The following RSF1 variants were observed in gnomAD, a reference collection of about 807,000 sequenced individuals.
RSF1 encodes HBV pX-associated protein 8.
RSF1 carries 13 observed loss-of-function variants against 145.2 expected under a neutral mutation model. The observed-to-expected ratio is 0.09, with a 90% CI of 0.06 to 0.14. RSF1 has a LOEUF of 0.14. Ranked by LOEUF, RSF1 falls within the 10% of genes least tolerant of loss-of-function variation. The pLI is 1.00. For synonymous variants in RSF1, 577 were observed against 592.6 expected (o/e 0.97, Z 0.38); for missense variants, 1,517 against 1,718.2 (o/e 0.88, Z 2.07).
At chr11:77,758,916 T>C (rs1237012728) in intron 2 of RSF1, among the ~76,000 whole-genome samples, 1 of 152,226 alleles carries the variant, frequency 6.6e-6, no homozygotes, top group Non-Finnish European at 1.5e-5. Flanking sequence ...ACTTTCTTCA[T>C]AATGTCCTTT....
Position 77,661,054 on chromosome 11 carries a change from T to G in RSF1, c.*5863A>C, listed in dbSNP as rs1465220451. ...AGTGAATAAGGAAGGAACTGAAACT[T>G]GAATTTGACTTCTCTTGCTGCCACG... On this transcript the variant is annotated 3_prime_UTR_variant, in exon 16 of 16. Transcript: ENST00000308488. 6.6e-6 allele frequency: 1 copy of G among 152,186 alleles called. No individual in the cohort carries two copies. Among genetic ancestry groups the G allele is most frequent in the East Asian group, 1.9e-4 (1 of 5,204 alleles). The allele number at this position is 152,186 out of a possible 1,614,324, so 9.4% of individuals were successfully genotyped here. A position where few individuals can be genotyped will look rare whatever the true frequency, so the allele number is the denominator to read the frequency against.
intron 4 of RSF1, among the ~76,000 whole-genome samples, chr11:77,730,344 T>C (rs907030505): frequency 4.6e-5 from 7 of 152,196 alleles, no homozygotes; most frequent in Non-Finnish European, 8.8e-5. Flanking sequence ...TTTCTGAAAA[T>C]GACTGTCAAA....
chr11:77,751,056 A>G (rs1299707565), intron 2 of RSF1, among the ~76,000 whole-genome samples: 2 of 151,970 alleles, frequency 1.3e-5, no homozygotes, highest in African/African-American at 4.8e-5. Flanking sequence ...CCTAACCTCT[A>G]CATACAGGTA....
At position 77,740,728 on chromosome 11, in the gene RSF1, T is replaced by C; in HGVS notation, c.578+3A>G. On this transcript the variant is annotated splice_donor_region_variant and intron_variant, in intron 4 of 15. Transcript: ENST00000308488. ...AGTGTAAAAAGGTTCCAATAAAAGA[T>C]ACCTGACAATGCATTTCCATGAAGA... 2 of 1,611,262 alleles carry C rather than the reference T, an allele frequency of 1.2e-6. No homozygotes were observed. Among genetic ancestry groups the C allele is most frequent in the South Asian group, 1.1e-5 (1 of 91,008 alleles).
rs747113971 is a variant in RSF1 at position 77,737,619 on chromosome 11, G to GGT, written c.578+3111_578+3112insAC. Among the ~76,000 whole-genome samples the GGT allele has an allele frequency of 2.4e-4, 25 of 102,378 alleles. No individual in the cohort carries two copies. The East Asian group carries it at 2.6e-3, about 11-fold the overall frequency. The allele number at this position is 102,378 out of a possible 152,430, so 67.2% of individuals were successfully genotyped here. On this transcript the variant is annotated intron_variant, in intron 4 of 15. Coordinates refer to ENST00000308488, the MANE Select transcript of RSF1 (RefSeq NM_016578.4). ...TGGAAAGAAGTTTTATGTGTTTTGGGGGGTGTGTGTGTGTGTGTGTGTGTG... is the reference window on the plus strand; with the variant it reads ...TGGAAAGAAGTTTTATGTGTTTTGGGGTGGGTGTGTGTGTGTGTGTGTGTGTG...
In RSF1 at chr11:77,780,971, C is replaced by T. The variant is rs541613308; in HGVS notation, c.188-16282G>A. ...GCCTTTTGTAGAGTTTCATATAATA[C>T]GAACTCTTTTTGTCTGGCTTTTTTG... On this transcript the variant is annotated intron_variant, in intron 1 of 15. Transcript: ENST00000308488. Among the ~76,000 whole-genome samples, 12 of 152,200 alleles carry T rather than the reference C, an allele frequency of 7.9e-5. No individual in the cohort carries two copies. In the South Asian group the frequency reaches 1.4e-3, roughly 18 times the overall value.
At chr11:77,770,660 C>G (rs1319502619) in intron 1 of RSF1, among the ~76,000 whole-genome samples, 1 of 152,086 alleles carries the variant, frequency 6.6e-6, no homozygotes, top group Non-Finnish European at 1.5e-5. Context: ...AGAAACACAC[C>G]AAACATGGCT....
the RSF1 span, among the ~76,000 whole-genome samples, chr11:77,834,861 C>T: frequency 5.3e-5 from 8 of 152,098 alleles, no homozygotes; most frequent in Non-Finnish European, 1.0e-4. Context: ...CAAATCTCAC[C>T]TTTACCACTC....
intron 5 of RSF1, among the ~76,000 whole-genome samples, chr11:77,722,408 C>G (rs1475194377): frequency 6.6e-6 from 1 of 152,110 alleles, no homozygotes; most frequent in East Asian, 1.9e-4. Context: ...GGTCCTCTAA[C>G]CAGCAGTATC....
intron 9 of RSF1, among the ~76,000 whole-genome samples, chr11:77,687,461 C>CA (rs1206911130): frequency 1.3e-5 from 2 of 151,936 alleles, no homozygotes; most frequent in Non-Finnish European, 2.9e-5. Flanking sequence ...CAAGGTTACC[C>CA]ACCTTGGGTA....
In RSF1 at chr11:77,672,085, T is replaced by C. The variant is rs1361837368; in HGVS notation, c.3708A>G (p.Ile1236Met). The C allele has an allele frequency of 6.2e-7, 1 of 1,614,092 alleles. No homozygotes were observed. Among genetic ancestry groups the C allele is most frequent in the Admixed American group, 1.7e-5 (1 of 60,006 alleles). The change falls in exon 15 of 16, where the codon ATA (isoleucine) becomes ATG (methionine). Residue 1236 changes from isoleucine to methionine, a missense_variant. Coordinates refer to ENST00000308488, the MANE Select transcript of RSF1 (RefSeq NM_016578.4). ...SQKSLRRGKEIRRVHKRRLSS... is the reference protein window; with the variant it reads ...SQKSLRRGKEMRRVHKRRLSS... ...AAAGTCTTCGCTTGTGTACTCGCCT[T>C]ATTTCTTTACCACGTCGCAAACTCT...
In RSF1 at chr11:77,664,841, C is replaced by A. The variant is rs1175905112; in HGVS notation, c.*2076G>T. 2 of 152,344 alleles carry A rather than the reference C, an allele frequency of 1.3e-5. No individual in the cohort carries two copies. The highest frequency in any genetic ancestry group is 1.9e-4 in the East Asian group (1 of 5,178). 9.4% of individuals were successfully genotyped at this position (152,344 alleles called of 1,614,324 possible). A position where few individuals can be genotyped will look rare whatever the true frequency, so the allele number is the denominator to read the frequency against. ...ACTGTTAAGTAAATGTAGCTCCTTA[C>A]ACAGCCCTGCTTTACTGTCTGTGAA... On this transcript the variant is annotated 3_prime_UTR_variant, in exon 16 of 16. Transcript: ENST00000308488.
chr11:77,740,954 C>G lies in RSF1; in HGVS notation c.373-18G>C. 1 of 1,554,604 alleles carries G rather than the reference C, an allele frequency of 6.4e-7. No individual in the cohort carries two copies. Among genetic ancestry groups the G allele is most frequent in the South Asian group, 1.1e-5 (1 of 89,604 alleles). On this transcript the variant is annotated intron_variant, in intron 3 of 15. Coordinates refer to ENST00000308488, the MANE Select transcript of RSF1 (RefSeq NM_016578.4). Reference sequence around the variant, plus strand: ...CAGAGGTACTGAAAAATAGTCATAACATGACTTAAAATACCTCACAAATAT... The same window carrying G: ...CAGAGGTACTGAAAAATAGTCATAAGATGACTTAAAATACCTCACAAATAT...
chr11:77,859,941 A>T, the RSF1 span, among the ~76,000 whole-genome samples: 12 of 152,242 alleles, frequency 7.9e-5, no homozygotes. Flanking sequence ...ACATCATGAG[A>T]TCACAGTAAG....
intron 1 of RSF1, among the ~76,000 whole-genome samples, chr11:77,775,626 T>A (rs553651903): frequency 6.6e-6 from 1 of 152,346 alleles, no homozygotes; most frequent in South Asian, 2.1e-4. Context: ...ATCATGTATA[T>A]TCCATAGGTA....
chr11:77,821,042 T>G, upstream of RSF1: 2 of 436,460 alleles, frequency 4.6e-6, no homozygotes, highest in Non-Finnish European at 8.1e-6. Flanking sequence ...GGAGGCGGGC[T>G]GGAAGCGGGA....
Position 77,664,752 on chromosome 11 carries a change from T to C in RSF1, c.*2165A>G, listed in dbSNP as rs570833877. 1.1e-4 allele frequency: 16 copies of C among 152,352 alleles called. No homozygotes were observed. The South Asian group carries it at 1.2e-3, about 12-fold the overall frequency. 9.4% of individuals were successfully genotyped at this position (152,352 alleles called of 1,614,324 possible). A position where few individuals can be genotyped will look rare whatever the true frequency, so the allele number is the denominator to read the frequency against. On this transcript the variant is annotated 3_prime_UTR_variant, in exon 16 of 16. Coordinates refer to ENST00000308488, the MANE Select transcript of RSF1 (RefSeq NM_016578.4). ...CTTTATATTGCTTGCCTGTTTTAGATGGTTTAAAAGGTTAATTCTTAGCTG... is the reference window on the plus strand; with the variant it reads ...CTTTATATTGCTTGCCTGTTTTAGACGGTTTAAAAGGTTAATTCTTAGCTG...
chr11:77,745,537 T>C (rs550621497), intron 3 of RSF1, among the ~76,000 whole-genome samples: 3 of 151,850 alleles, frequency 2.0e-5, no homozygotes, highest in Non-Finnish European at 4.4e-5. Flanking sequence ...GGTTATTCAG[T>C]AGTCATGGTA....
At chr11:77,814,723 G>A (rs1241299086) in intron 1 of RSF1, among the ~76,000 whole-genome samples, 1 of 152,132 alleles carries the variant, frequency 6.6e-6, no homozygotes, top group Non-Finnish European at 1.5e-5. Flanking sequence ...GGGATTACAG[G>A]CATGAGCCAC....
Sources: gnomAD v4.1 joint callset for allele counts (sites outside exome capture counted in the v4.1 genomes callset) on GRCh38, gnomAD v4.1.1 for gene constraint, MANE v1.5 for transcripts, NCBI Gene and HGNC (gene_info 2026-07-23, HGNC 2026-07-21) for gene names.